Variants in SPATA6L observed in about 807,000 individuals in gnomAD.
SPATA6L encodes the protein spermatogenesis associated 6-like protein.
Under a neutral mutation model 49.2 loss-of-function variants are expected in SPATA6L, and 68 were observed. The observed-to-expected ratio is 1.38, with a 90% CI of 1.14 to 1.69. The LOEUF (loss-of-function observed/expected upper bound fraction) is 1.69. Among genes scored for constraint, SPATA6L ranks in the 40% most tolerant of loss-of-function variants. The pLI, the probability that SPATA6L is intolerant of heterozygous loss-of-function variation, is 0.00. For missense variants in SPATA6L, 668 were observed against 464.3 expected (o/e 1.44, Z -4.03); for synonymous variants, 198 against 165.7 (o/e 1.19, Z -1.50).
intron 3 of SPATA6L, among the ~76,000 whole-genome samples, chr9:4,639,599 C>G (rs529870173): frequency 2.6e-5 from 4 of 152,246 alleles, no homozygotes; most frequent in South Asian, 4.1e-4. Context: ...CAGCAAGAGC[C>G]TAGGTTAGAA....
At chr9:4,590,659 G>A (rs982557576) in intron 13 of SPATA6L, among the ~76,000 whole-genome samples, 1 of 152,182 alleles carries the variant, frequency 6.6e-6, no homozygotes, top group Non-Finnish European at 1.5e-5. Context: ...GAAGGCCCCA[G>A]CAGCCTGCAG....
rs570829866 is a variant in SPATA6L at position 4,623,201 on chromosome 9, A to G, written c.670-691T>C. Among the ~76,000 whole-genome samples the G allele has an allele frequency of 3.3e-5, 5 of 152,084 alleles. No individual in the cohort carries two copies. The East Asian group carries it at 9.7e-4, about 29-fold the overall frequency. Reference sequence around the variant, plus strand: ...AGGCTGAGGCAGGAGAATCGCTTGAACCCGGGAGGCGAAGATTGCGGTGAG... The same window carrying G: ...AGGCTGAGGCAGGAGAATCGCTTGAGCCCGGGAGGCGAAGATTGCGGTGAG... On this transcript the variant is annotated intron_variant, in intron 6 of 11. Coordinates refer to ENST00000682582, the MANE Select transcript of SPATA6L (RefSeq NM_001353486.2).
At chr9:4,613,549 T>A (rs1827268169) in intron 9 of SPATA6L, among the ~76,000 whole-genome samples, 1 of 152,136 alleles carries the variant, frequency 6.6e-6, no homozygotes, top group Non-Finnish European at 1.5e-5. Context: ...GCACTGCCCA[T>A]GTTTAAGACT....
chr9:4,613,362 T>C (rs185271614), intron 9 of SPATA6L, among the ~76,000 whole-genome samples: 1 of 152,076 alleles, frequency 6.6e-6, no homozygotes, highest in Non-Finnish European at 1.5e-5. Context: ...CCCTGTGCAG[T>C]TGCCCCTCTG....
intron 10 of SPATA6L, 125 bp from the exon 11 acceptor site, chr9:4,604,394 CTA>C: frequency 6.7e-6 from 4 of 599,838 alleles, no homozygotes; most frequent in Non-Finnish European, 1.2e-5. Flanking sequence ...ATGGGGTTCA[CTA>C]TATATGTGTG....
downstream of SPATA6L, among the ~76,000 whole-genome samples, chr9:4,593,723 G>A (rs752076422): frequency 6.6e-6 from 1 of 152,124 alleles, no homozygotes; most frequent in African/African-American, 2.4e-5. Context: ...ATATGTCACT[G>A]TTGATTAGCT....
intron 9 of SPATA6L, among the ~76,000 whole-genome samples, chr9:4,607,191 G>A (rs1312405408): frequency 1.3e-5 from 2 of 152,016 alleles, no homozygotes; most frequent in African/African-American, 2.4e-5. Flanking sequence ...AAGTGACGGG[G>A]AGAATGGAAC....
At chr9:4,660,888 G>A (rs1487527938) in intron 2 of SPATA6L, among the ~76,000 whole-genome samples, 1 of 152,150 alleles carries the variant, frequency 6.6e-6, no homozygotes, top group Non-Finnish European at 1.5e-5. Flanking sequence ...GTAGGGACAT[G>A]GATGAAGCTG....
At chr9:4,610,792 C>T (rs1232958259) in intron 9 of SPATA6L, among the ~76,000 whole-genome samples, 2 of 152,082 alleles carry the variant, frequency 1.3e-5, no homozygotes, top group Non-Finnish European at 2.9e-5. Context: ...CCAAAATTGA[C>T]AAATGGGATC....
At chr9:4,626,594 T>G (rs901413797) in intron 5 of SPATA6L, 2 of 1,273,412 alleles carry the variant, frequency 1.6e-6, no homozygotes, top group Non-Finnish European at 2.1e-6. Context: ...ACTCTGTCAT[T>G]TCAGTGTTCC....
At chr9:4,594,689 T>C (rs1447610347), downstream of SPATA6L, among the ~76,000 whole-genome samples, 1 of 152,156 alleles carries the variant, frequency 6.6e-6, no homozygotes, top group Non-Finnish European at 1.5e-5. Context: ...TGAACAGTGA[T>C]GCCTCTTTGT....
At chr9:4,660,273 T>A (rs1438885509) in intron 2 of SPATA6L, among the ~76,000 whole-genome samples, 1 of 152,274 alleles carries the variant, frequency 6.6e-6, no homozygotes, top group East Asian at 1.9e-4. Flanking sequence ...ATTTTTGCAA[T>A]CTACTCATCT....
intron 9 of SPATA6L, among the ~76,000 whole-genome samples, chr9:4,610,334 G>A (rs1178342953): frequency 5.4e-5 from 8 of 148,310 alleles, no homozygotes; most frequent in Admixed American, 2.0e-4. Flanking sequence ...AGCCCGCATC[G>A]CCAAGTCAAT....
rs191027621 is a variant in SPATA6L at position 4,625,856 on chromosome 9, T to C, written c.430-290A>G. On this transcript the variant is annotated intron_variant, in intron 5 of 11. Transcript: ENST00000682582. ...GTGTCAGACACCTCCAATAGATAGATAATAGAGAATTTGACACATAGAGGG... is the reference window on the plus strand; with the variant it reads ...GTGTCAGACACCTCCAATAGATAGACAATAGAGAATTTGACACATAGAGGG... 5.1e-3 allele frequency: 1,066 copies of C among 208,472 alleles called. 9 individuals are homozygous for C. Among genetic ancestry groups the C allele is most frequent in the African/African-American group, 0.019 (809 of 43,616 alleles). 12.9% of individuals were successfully genotyped at this position (208,472 alleles called of 1,614,324 possible).
In SPATA6L at chr9:4,649,715, C is replaced by A. The variant is rs191208140; in HGVS notation, c.226+6326G>T. 4.6e-5 allele frequency among the ~76,000 whole-genome samples: 7 copies of A among 152,296 alleles called. No homozygotes were observed. The East Asian group carries it at 1.2e-3, about 25-fold the overall frequency. ...ACCTTTTAATTGCCTTCTGGAATGG[C>A]ATCACGTAATTCATACTTGCTTTAA... On this transcript the variant is annotated intron_variant, in intron 3 of 11. Transcript: ENST00000682582.
chr9:4,618,127 A>C lies in SPATA6L; in HGVS notation c.808-17T>G. 6.3e-7 allele frequency: 1 copy of C among 1,579,570 alleles called. No homozygotes were observed. The highest frequency in any genetic ancestry group is 1.2e-5 in the South Asian group (1 of 86,366). On this transcript the variant is annotated splice_polypyrimidine_tract_variant and intron_variant, in intron 8 of 11. Transcript: ENST00000682582. ...TTTGATAACCTGAGTGACAATATGC[A>C]TTATTTAGTTGTAATTTTGCTTCTG...
chr9:4,647,020 G>T (rs1261731289), intron 3 of SPATA6L, among the ~76,000 whole-genome samples: 1 of 151,328 alleles, frequency 6.6e-6, no homozygotes, highest in African/African-American at 2.4e-5. Flanking sequence ...CCATGATACG[G>T]GTTCACCTAT....
At chr9:4,661,108 G>A (rs145197779) in intron 2 of SPATA6L, among the ~76,000 whole-genome samples, 2,258 of 152,250 alleles carry the variant, frequency 0.015, 20 homozygotes, top group Non-Finnish European at 0.022. Flanking sequence ...CCAGCACGTT[G>A]TGCATATGTA....
intron 13 of SPATA6L, among the ~76,000 whole-genome samples, chr9:4,591,779 C>T (rs1403327465): frequency 6.6e-6 from 1 of 152,180 alleles, no homozygotes; most frequent in African/African-American, 2.4e-5. Flanking sequence ...CCGACTCAGC[C>T]TGCAAGGATA....
Sources: gnomAD v4.1 joint callset for allele counts (sites outside exome capture counted in the v4.1 genomes callset) on GRCh38, gnomAD v4.1.1 for gene constraint, MANE v1.5 for transcripts, NCBI Gene and HGNC (gene_info 2026-07-23, HGNC 2026-07-21) for gene names.